Variants in MLLT10 observed in about 807,000 individuals in gnomAD.
MLLT10 encodes the protein MLLT10 histone lysine methyltransferase DOT1L cofactor.
In MLLT10, 30 loss-of-function variants were observed where a neutral mutation model predicts 129.1. That is an observed-to-expected ratio of 0.23 (90% CI 0.17 to 0.32). The LOEUF (loss-of-function observed/expected upper bound fraction) is 0.32. MLLT10 is among the 10% of genes least tolerant of loss of function. The pLI is 1.00. For missense variants in MLLT10, 1,119 were observed against 1,268.3 expected (o/e 0.88, Z 1.79); for synonymous variants, 490 against 446.4 (o/e 1.10, Z -1.23).
In MLLT10 at chr10:21,740,217, A is replaced by G. The variant is rs763484486; in HGVS notation, c.3143A>G (p.Asn1048Ser). Residue 1048 changes from asparagine to serine, a missense_variant, in exon 22 of 23, where the codon AAT becomes AGT. Physicochemically the swap from Asn to Ser is conservative, Grantham distance 46. Transcript: ENST00000307729. Reference sequence around the variant, plus strand: ...CCATTTCTCACCATCCATGGAGATAATGCAAGTCAGAAAGTAGCAGTAAGT... The same window carrying G: ...CCATTTCTCACCATCCATGGAGATAGTGCAAGTCAGAAAGTAGCAGTAAGT... The part of the protein sequence containing the change: ...TNPFLTIHGD[N>S]ASQKVARLSD... 8 of 1,614,160 alleles carry G rather than the reference A, an allele frequency of 5.0e-6. No homozygotes were observed. Among genetic ancestry groups the G allele is most frequent in the Non-Finnish European group, 6.8e-6 (8 of 1,180,006 alleles).
At chr10:21,557,260 T>A in intron 3 of MLLT10, 1 of 903,690 alleles carries the variant, frequency 1.1e-6, no homozygotes, top group Non-Finnish European at 1.4e-6. Context: ...AGTAATAGTT[T>A]ATGAAATCTG....
At chr10:21,690,417 AATAG>A (rs1341157353) in intron 13 of MLLT10, among the ~76,000 whole-genome samples, 1 of 152,144 alleles carries the variant, frequency 6.6e-6, no homozygotes, top group Non-Finnish European at 1.5e-5. Flanking sequence ...AAATTTTAAA[AATAG>A]ATTTCCCCCC....
At chr10:21,697,991 G>A (rs1652463081) in intron 13 of MLLT10, among the ~76,000 whole-genome samples, 1 of 152,156 alleles carries the variant, frequency 6.6e-6, no homozygotes, top group Admixed American at 6.5e-5. Context: ...TACATGCATA[G>A]AATGTATACT....
At chr10:21,619,880 A>G (rs1404139365) in intron 8 of MLLT10, among the ~76,000 whole-genome samples, 4 of 151,028 alleles carry the variant, frequency 2.6e-5, no homozygotes, top group Non-Finnish European at 4.4e-5. Flanking sequence ...GTTATAGACT[A>G]TCTTTTTCTC....
At chr10:21,591,908 A>G (rs899062576) in intron 4 of MLLT10, among the ~76,000 whole-genome samples, 1 of 152,112 alleles carries the variant, frequency 6.6e-6, no homozygotes, top group Non-Finnish European at 1.5e-5. Flanking sequence ...TTTAGTAGAG[A>G]CATAGTTTCA....
chr10:21,698,430 A>G (rs2054576675), intron 13 of MLLT10, among the ~76,000 whole-genome samples: 1 of 152,178 alleles, frequency 6.6e-6, no homozygotes, highest in Admixed American at 6.5e-5. Flanking sequence ...ATAGTATTCC[A>G]CTGTGTGTAT....
At chr10:21,632,714 C>T (rs549509062) in intron 8 of MLLT10, among the ~76,000 whole-genome samples, 2 of 152,206 alleles carry the variant, frequency 1.3e-5, no homozygotes, top group African/African-American at 4.8e-5. Flanking sequence ...CTTTCTATGG[C>T]CTCTCTTTTG....
intron 10 of MLLT10, chr10:21,671,122 G>C: frequency 6.2e-6 from 1 of 162,422 alleles, no homozygotes; most frequent in South Asian, 1.6e-4. Context: ...AGGTTCAAGT[G>C]ATTCTTGTGC....
chr10:21,591,486 T>A (rs1423104685), intron 4 of MLLT10, among the ~76,000 whole-genome samples: 1 of 152,192 alleles, frequency 6.6e-6, no homozygotes, highest in African/African-American at 2.4e-5. Context: ...CTCTTATTTC[T>A]TATTTCTCTT....
At chr10:21,738,903 ATACT>A (rs981908464) in intron 21 of MLLT10, among the ~76,000 whole-genome samples, 70 of 152,262 alleles carry the variant, frequency 4.6e-4, no homozygotes, top group African/African-American at 1.6e-3. Flanking sequence ...CTCTGTGCTG[ATACT>A]TACATCTCCA....
intron 13 of MLLT10, among the ~76,000 whole-genome samples, chr10:21,704,883 G>C (rs559066113): frequency 6.6e-6 from 1 of 152,288 alleles, no homozygotes; most frequent in East Asian, 1.9e-4. Flanking sequence ...TATTAGTGGA[G>C]GCAGTGGTGA....
chr10:21,621,615 A>ACCCCGC (rs1445824921), intron 8 of MLLT10, among the ~76,000 whole-genome samples: 1,036 of 75,138 alleles, frequency 0.014, 7 homozygotes, highest in African/African-American at 0.045. Flanking sequence ...CGCCCCCCCC[A>ACCCCGC]CCCCGCCCCC....
At chr10:21,639,685 T>G (rs1419981155) in intron 8 of MLLT10, among the ~76,000 whole-genome samples, 1 of 152,036 alleles carries the variant, frequency 6.6e-6, no homozygotes. Flanking sequence ...ACTAATAGAC[T>G]GAGTAGGGAA....
intron 3 of MLLT10, among the ~76,000 whole-genome samples, chr10:21,581,307 A>G (rs1365363504): frequency 6.6e-6 from 1 of 152,066 alleles, no homozygotes; most frequent in Non-Finnish European, 1.5e-5. Flanking sequence ...CGGCCTCCCA[A>G]AGTGCTGAGA....
chr10:21,543,693 G>A (rs2035605474), intron 3 of MLLT10, among the ~76,000 whole-genome samples: 1 of 152,056 alleles, frequency 6.6e-6, no homozygotes, highest in Admixed American at 6.6e-5. Context: ...TGGTCAGACT[G>A]ATCTCGAACT....
intron 9 of MLLT10, among the ~76,000 whole-genome samples, chr10:21,668,383 A>G (rs927512915): frequency 7.2e-5 from 11 of 152,246 alleles, no homozygotes; most frequent in Middle Eastern, 3.4e-3. Context: ...TATTGTCCCA[A>G]CAGCACATTA....
upstream of MLLT10, among the ~76,000 whole-genome samples, chr10:21,533,966 C>A (rs1214116513): frequency 6.6e-6 from 1 of 152,074 alleles, no homozygotes; most frequent in African/African-American, 2.4e-5. Context: ...CCGACGCTCA[C>A]ACGCGGCCCG....
chr10:21,554,696 G>A (rs576362193), intron 3 of MLLT10, among the ~76,000 whole-genome samples: 3 of 150,664 alleles, frequency 2.0e-5, no homozygotes, highest in Admixed American at 6.6e-5. Context: ...TCCTGACCTC[G>A]TGATCTGCCC....
At chr10:21,617,275 G>A in intron 8 of MLLT10, 68 bp downstream of exon 8, 1 of 753,104 alleles carries the variant, frequency 1.3e-6, no homozygotes. Context: ...TGCCTTTTTA[G>A]ATAAAATTAC....
Sources: allele counts gnomAD v4.1 joint callset (sites outside exome capture counted in the v4.1 genomes callset), GRCh38; gene constraint gnomAD v4.1.1; transcripts MANE v1.5; gene names NCBI Gene and HGNC (gene_info 2026-07-23, HGNC 2026-07-21).